Variants in GMDS observed in about 807,000 individuals in gnomAD.
The protein encoded by GMDS is GDP-mannose 4,6 dehydratase.
GMDS carries 20 observed loss-of-function variants against 49.9 expected under a neutral mutation model. The observed-to-expected ratio is 0.40, with a 90% CI of 0.28 to 0.58. The LOEUF (loss-of-function observed/expected upper bound fraction) is 0.58, where lower values mean the gene tolerates loss of function less well. Among genes scored for constraint, GMDS ranks in the 20% least tolerant of loss-of-function variants. GMDS has a pLI of 0.42. For synonymous variants in GMDS, 177 were observed against 178.6 expected (o/e 0.99, Z 0.07); for missense variants, 362 against 481.4 (o/e 0.75, Z 2.32).
intron 4 of GMDS, among the ~76,000 whole-genome samples, chr6:2,114,328 G>A (rs889312435): frequency 4.6e-5 from 7 of 152,102 alleles, no homozygotes; most frequent in Admixed American, 3.3e-4. Flanking sequence ...TGGTCAGGAA[G>A]GTCAAGAAGC....
At chr6:1,927,261 T>G (rs1581374442) in intron 7 of GMDS, among the ~76,000 whole-genome samples, 11 of 145,158 alleles carry the variant, frequency 7.6e-5, no homozygotes, top group Admixed American at 1.4e-4. Flanking sequence ...GGTAGCGTGT[T>G]GGTGTATTTT....
chr6:2,010,332 A>C (rs1354144884), intron 4 of GMDS, among the ~76,000 whole-genome samples: 5 of 151,640 alleles, frequency 3.3e-5, no homozygotes, highest in Non-Finnish European at 4.4e-5. Context: ...ATCTCAAAAA[A>C]AAAAAAAAGA....
chr6:1,987,265 T>G (rs562313264), intron 4 of GMDS, among the ~76,000 whole-genome samples: 115 of 152,238 alleles, frequency 7.6e-4, no homozygotes, highest in African/African-American at 2.6e-3. Flanking sequence ...AAAGGAATTT[T>G]TAAAACCTTT....
intron 1 of GMDS, among the ~76,000 whole-genome samples, chr6:2,157,572 A>G (rs1777170364): frequency 6.6e-6 from 1 of 152,194 alleles, no homozygotes; most frequent in Non-Finnish European, 1.5e-5. Flanking sequence ...CAGACCAGAG[A>G]TGCCAGTGCT....
chr6:2,184,898 A>G (rs551278097), intron 1 of GMDS, among the ~76,000 whole-genome samples: 84 of 152,242 alleles, frequency 5.5e-4, no homozygotes, highest in African/African-American at 1.9e-3. Context: ...TGTGCCACCA[A>G]GCTAATTCCT....
intron 4 of GMDS, among the ~76,000 whole-genome samples, chr6:2,075,176 A>G (rs751624633): frequency 6.6e-6 from 1 of 152,144 alleles, no homozygotes; most frequent in South Asian, 2.1e-4. Flanking sequence ...GTGAGAAATG[A>G]CATTGCTATT....
At chr6:1,753,882 C>T (rs2113528094) in intron 7 of GMDS, among the ~76,000 whole-genome samples, 1 of 152,274 alleles carries the variant, frequency 6.6e-6, no homozygotes, top group South Asian at 2.1e-4. Context: ...ACAGCTAAAG[C>T]AGTGTTTAGA....
At chr6:1,847,115 G>A (rs1160596488) in intron 7 of GMDS, among the ~76,000 whole-genome samples, 1 of 152,116 alleles carries the variant, frequency 6.6e-6, no homozygotes, top group Non-Finnish European at 1.5e-5. Flanking sequence ...GGTGTGCAGT[G>A]GTGCAATCAT....
chr6:2,083,170 C>T (rs1772812868), intron 4 of GMDS, among the ~76,000 whole-genome samples: 1 of 152,168 alleles, frequency 6.6e-6, no homozygotes, highest in Non-Finnish European at 1.5e-5. Context: ...GGCACTGTGG[C>T]TTTTAATCAA....
chr6:2,163,537 C>A (rs1045538027), intron 1 of GMDS, among the ~76,000 whole-genome samples: 4 of 152,012 alleles, frequency 2.6e-5, no homozygotes. Context: ...CCCAGGAGAG[C>A]CAATGGTGTA....
At chr6:1,926,882 G>T (rs565954658) in intron 7 of GMDS, among the ~76,000 whole-genome samples, 1 of 152,308 alleles carries the variant, frequency 6.6e-6, no homozygotes, top group East Asian at 1.9e-4. Flanking sequence ...AGACCCACTT[G>T]TATTATAGAA....
At chr6:2,204,631 A>G (rs1779703969) in intron 1 of GMDS, among the ~76,000 whole-genome samples, 1 of 152,220 alleles carries the variant, frequency 6.6e-6, no homozygotes, top group Admixed American at 6.5e-5. Flanking sequence ...TCAAGTGCTC[A>G]ATAACTACAC....
chr6:1,677,067 T>C (rs1331088399), intron 9 of GMDS, among the ~76,000 whole-genome samples: 1 of 152,156 alleles, frequency 6.6e-6, no homozygotes, highest in Non-Finnish European at 1.5e-5. Flanking sequence ...TACAAAGAAC[T>C]TAAACAAATT....
intron 7 of GMDS, among the ~76,000 whole-genome samples, chr6:1,830,677 G>C (rs1756585673): frequency 6.6e-6 from 1 of 152,074 alleles, no homozygotes; most frequent in African/African-American, 2.4e-5. Context: ...TAGAATGTAA[G>C]CGAATGATAA....
intron 9 of GMDS, among the ~76,000 whole-genome samples, chr6:1,687,689 G>T (rs1391797223): frequency 2.0e-5 from 3 of 152,128 alleles, no homozygotes; most frequent in African/African-American, 7.2e-5. Context: ...AGAACGTGAG[G>T]GGGGTTCAGA....
intron 4 of GMDS, among the ~76,000 whole-genome samples, chr6:1,998,412 A>C (rs1766431588): frequency 6.6e-6 from 1 of 152,134 alleles, no homozygotes; most frequent in African/African-American, 2.4e-5. Flanking sequence ...GGAGGGAAGA[A>C]AAGAAGAGGA....
intron 7 of GMDS, among the ~76,000 whole-genome samples, chr6:1,838,375 T>C (rs918775259): frequency 2.0e-5 from 3 of 152,242 alleles, no homozygotes; most frequent in African/African-American, 7.2e-5. Flanking sequence ...CTAGCATTAT[T>C]GAAATTACTC....
chr6:1,884,430 C>A (rs1009777218), intron 7 of GMDS, among the ~76,000 whole-genome samples: 1 of 152,214 alleles, frequency 6.6e-6, no homozygotes, highest in Non-Finnish European at 1.5e-5. Flanking sequence ...TATGTCTTCA[C>A]CAAAGTGGCA....
chr6:2,106,326 T>G (rs1220441042), intron 4 of GMDS, among the ~76,000 whole-genome samples: 1 of 152,224 alleles, frequency 6.6e-6, no homozygotes, highest in Non-Finnish European at 1.5e-5. Flanking sequence ...CATTTTATTT[T>G]ACCGTACTAA....
Sources: gnomAD v4.1 joint callset for allele counts (sites outside exome capture counted in the v4.1 genomes callset) on GRCh38, gnomAD v4.1.1 for gene constraint, MANE v1.5 for transcripts, NCBI Gene and HGNC (gene_info 2026-07-23, HGNC 2026-07-21) for gene names.